SSBP3: variants seen among roughly 807,000 people sequenced by gnomAD.
SSBP3 encodes the protein single-stranded DNA-binding protein 3.
SSBP3 carries 5 observed loss-of-function variants against 69.6 expected under a neutral mutation model. The observed-to-expected ratio is 0.07, with a 90% CI of 0.04 to 0.15. The LOEUF is 0.15. SSBP3 is among the 10% of genes least tolerant of loss of function. SSBP3 has a pLI of 1.00. For synonymous variants in SSBP3, 196 were observed against 193.4 expected, an observed-to-expected ratio of 1.01 and a Z score of -0.11; for missense variants, 312 against 534.0, an observed-to-expected ratio of 0.58 and a Z score of 4.10.
chr1:54,335,624 C>T (rs373555622), intron 4 of SSBP3, among the ~76,000 whole-genome samples: 5 of 152,308 alleles, frequency 3.3e-5, no homozygotes, highest in African/African-American at 9.6e-5. Context: ...TCTATCTCCC[C>T]GGTGCCCAAA....
At position 54,281,542 on chromosome 1, in the gene SSBP3, A is replaced by G. The variant is rs548981059; in HGVS notation, c.277-15T>C. ...GCTGCTGCACTCTGTGGAGACAACA[A>G]GGCAGAGAGTTAGTGGCCAAACCCA... On this transcript the variant is annotated splice_polypyrimidine_tract_variant and intron_variant, in intron 4 of 17. Transcript: ENST00000610401. 1.8e-4 allele frequency: 277 copies of G among 1,555,612 alleles called. No homozygotes were observed. Among genetic ancestry groups the G allele is most frequent in the Admixed American group, 1.0e-3 (52 of 51,732 alleles).
intron 4 of SSBP3, among the ~76,000 whole-genome samples, chr1:54,319,003 C>A (rs534269329): frequency 2.6e-5 from 4 of 152,168 alleles, no homozygotes; most frequent in Non-Finnish European, 4.4e-5. Flanking sequence ...GGAAACACTG[C>A]AATTCTTTGG....
At chr1:54,255,151 G>T (rs74876793) in intron 7 of SSBP3, among the ~76,000 whole-genome samples, 3 of 137,996 alleles carry the variant, frequency 2.2e-5, no homozygotes, top group African/African-American at 5.6e-5. Flanking sequence ...TTTCTATTGC[G>T]GGGGGGCGGG....
upstream of SSBP3, among the ~76,000 whole-genome samples, chr1:54,406,723 C>T (rs1649802988): frequency 6.6e-6 from 1 of 151,892 alleles, no homozygotes; most frequent in African/African-American, 2.4e-5. Context: ...CTCCCCGCGG[C>T]GTGGACCACT....
At chr1:54,356,690 T>C (rs1646872922) in intron 4 of SSBP3, 1 of 152,212 alleles carries the variant, frequency 6.6e-6, no homozygotes, top group Non-Finnish European at 1.5e-5. Flanking sequence ...GCTTAGGAGC[T>C]GCAAAGGGAG....
intron 14 of SSBP3, among the ~76,000 whole-genome samples, chr1:54,235,114 A>G (rs984417609): frequency 2.0e-5 from 3 of 152,160 alleles, no homozygotes; most frequent in Admixed American, 2.0e-4. Flanking sequence ...GGTTTTACTT[A>G]TAAGCACAGG....
At chr1:54,238,818 G>A (rs1644549019) in intron 14 of SSBP3, 2 of 409,186 alleles carry the variant, frequency 4.9e-6, no homozygotes, top group South Asian at 2.2e-5. Context: ...CAGAGACCAG[G>A]CCAGACCCCA....
intron 4 of SSBP3, among the ~76,000 whole-genome samples, chr1:54,301,763 A>T (rs757244347): frequency 6.7e-6 from 1 of 150,182 alleles, no homozygotes; most frequent in East Asian, 2.0e-4. Context: ...TCCGGCCGCC[A>T]CCACCACCCT....
Position 54,258,029 on chromosome 1 carries a change from C to T in SSBP3, c.447+40G>A, listed in dbSNP as rs1195139047. On this transcript the variant is annotated intron_variant, in intron 6 of 17. Transcript: ENST00000610401. The surrounding 1 kb of genome is among the most constrained non-coding windows in gnomAD (Gnocchi z 4.5). ...TGCGGGCTCTCTGCTTCCTCCGCGCCCCGCGTCCCCGGCGGGCGGGAGCGC... is the reference window on the plus strand; with the variant it reads ...TGCGGGCTCTCTGCTTCCTCCGCGCTCCGCGTCCCCGGCGGGCGGGAGCGC... 1.9e-6 allele frequency: 3 copies of T among 1,551,346 alleles called. No individual in the cohort carries two copies. In the Admixed American group the frequency reaches 6.0e-5, roughly 31 times the overall value.
intron 4 of SSBP3, among the ~76,000 whole-genome samples, chr1:54,307,769 C>T (rs565132566): frequency 1.8e-4 from 27 of 152,258 alleles, no homozygotes; most frequent in Non-Finnish European, 2.4e-4. Flanking sequence ...CTCCCACCTG[C>T]GCCGTGACAG....
At chr1:54,370,295 A>G (rs553867080) in intron 4 of SSBP3, among the ~76,000 whole-genome samples, 102 of 152,314 alleles carry the variant, frequency 6.7e-4, no homozygotes, top group African/African-American at 2.4e-3. Flanking sequence ...TCACTGGCCA[A>G]CTTCCAGCCT....
chr1:54,254,006 A>G (rs1437966341), intron 7 of SSBP3, among the ~76,000 whole-genome samples: 2 of 152,220 alleles, frequency 1.3e-5, no homozygotes, highest in Admixed American at 6.5e-5. Context: ...TGAGACAGGG[A>G]CAGACAGTCT....
chr1:54,298,859 T>C (rs1645748659), intron 4 of SSBP3, among the ~76,000 whole-genome samples: 1 of 151,626 alleles, frequency 6.6e-6, no homozygotes, highest in African/African-American at 2.4e-5. Context: ...TCGCTTTATC[T>C]AAATATATCC....
exon 1 of SSBP3, chr1:54,406,370 C>T: frequency 6.3e-6 from 1 of 157,568 alleles, no homozygotes. Flanking sequence ...GCTGCCGCCG[C>T]CGCCGCCGCC....
At chr1:54,369,220 G>GGC (rs1553146711) in intron 4 of SSBP3, among the ~76,000 whole-genome samples, 9 of 149,554 alleles carry the variant, frequency 6.0e-5, no homozygotes, top group South Asian at 2.1e-4. Context: ...TCTTGAGTCG[G>GGC]GGGGGGGGCC....
At chr1:54,401,065 T>C (rs1045073688) in intron 4 of SSBP3, among the ~76,000 whole-genome samples, 3 of 152,122 alleles carry the variant, frequency 2.0e-5, no homozygotes, top group African/African-American at 7.2e-5. Context: ...TCCTCTTCCA[T>C]CTCCCCAAGA....
At chr1:54,289,727 C>A (rs528641038) in intron 4 of SSBP3, among the ~76,000 whole-genome samples, 2 of 152,188 alleles carry the variant, frequency 1.3e-5, no homozygotes, top group South Asian at 4.1e-4. Flanking sequence ...TCATTTTAAC[C>A]CTCCCTGGGC....
chr1:54,355,836 G>A (rs936954140), intron 4 of SSBP3, among the ~76,000 whole-genome samples: 4 of 152,054 alleles, frequency 2.6e-5, no homozygotes, highest in Non-Finnish European at 5.9e-5. Context: ...CACACCTCCC[G>A]CTTTGTGCGA....
At chr1:54,236,882 T>C (rs536596175) in intron 14 of SSBP3, 2 of 152,340 alleles carry the variant, frequency 1.3e-5, no homozygotes, top group East Asian at 3.9e-4. Context: ...TGTGACAGTG[T>C]CGGGTACGAG....
Sources: allele counts gnomAD v4.1 joint callset (sites outside exome capture counted in the v4.1 genomes callset), GRCh38; gene constraint gnomAD v4.1.1; non-coding constraint Gnocchi (gnomAD v3.1); transcripts MANE v1.5; gene names NCBI Gene and HGNC (gene_info 2026-07-23, HGNC 2026-07-21).